CIPC: variants seen among roughly 807,000 people sequenced by gnomAD.
The protein encoded by CIPC is CLOCK-interacting pacemaker.
CIPC carries 12 observed loss-of-function variants against 26.7 expected under a neutral mutation model. That is an observed-to-expected ratio of 0.45 (90% CI 0.29 to 0.73). CIPC has a LOEUF of 0.73. Among genes scored for constraint, CIPC ranks in the 30% least tolerant of loss-of-function variants. The probability of loss-of-function intolerance (pLI) is 0.12; values close to 1 mark genes in which losing one functional copy is unlikely to be tolerated. For missense variants in CIPC, 417 were observed against 486.5 expected (o/e 0.86, Z 1.34); for synonymous variants, 170 against 189.8 (o/e 0.90, Z 0.86).
intron 2 of CIPC, among the ~76,000 whole-genome samples, chr14:77,107,358 TAATC>T (rs1886609615): frequency 1.3e-5 from 2 of 152,162 alleles, no homozygotes; most frequent in Admixed American, 6.5e-5. Context: ...GGTATTAAAA[TAATC>T]AAACTCATTA....
intron 2 of CIPC, among the ~76,000 whole-genome samples, chr14:77,108,300 T>G (rs137920904): frequency 6.6e-6 from 1 of 152,220 alleles, no homozygotes; most frequent in Non-Finnish European, 1.5e-5. Flanking sequence ...GGGATAATAC[T>G]TTATAATTGT....
At chr14:77,108,264 C>T (rs1566805031) in intron 2 of CIPC, among the ~76,000 whole-genome samples, 2 of 152,160 alleles carry the variant, frequency 1.3e-5, no homozygotes, top group Admixed American at 6.5e-5. Context: ...GTACCCTTTT[C>T]TCTTTGTAAT....
chr14:77,113,563 G>A lies in CIPC; in HGVS notation c.445G>A (p.Asp149Asn), dbSNP rs141053035. 22 of 1,614,198 alleles carry A rather than the reference G, an allele frequency of 1.4e-5. No homozygotes were observed. Among genetic ancestry groups the A allele is most frequent in the Admixed American group, 5.0e-5 (3 of 60,026 alleles). Residue 149 changes from aspartate to asparagine, a missense_variant, in exon 4 of 4, where the codon GAC becomes AAC. By Grantham distance (23) the Asp-to-Asn change is conservative. Coordinates refer to ENST00000361786, the MANE Select transcript of CIPC (RefSeq NM_033426.3). ...SPCHTGEKKS[D>N]SRNYLPILNS... is the part of the protein sequence containing the mutation. Reference sequence around the variant, plus strand: ...ATGTCACACTGGTGAGAAAAAGTCCGACTCCAGGAACTACTTGCCCATTCT... The same window carrying A: ...ATGTCACACTGGTGAGAAAAAGTCCAACTCCAGGAACTACTTGCCCATTCT...
In CIPC at chr14:77,109,977, A is replaced by C. The variant is rs151146858; in HGVS notation, c.302A>C (p.Lys101Thr). 2 of 1,614,130 alleles carry C rather than the reference A, an allele frequency of 1.2e-6. No individual in the cohort carries two copies. The change falls in exon 3 of 4, where the codon AAA becomes ACA. Residue 101 changes from lysine to threonine, a missense_variant. Physicochemically the swap from Lys to Thr is moderately conservative, Grantham distance 78 (BLOSUM62 -1). Coordinates refer to ENST00000361786, the MANE Select transcript of CIPC (RefSeq NM_033426.3). ...PMVVMKNVLV[K>T]QGSSSSQLQS... is the part of the protein sequence containing the mutation. ...GTCGTCATGAAGAATGTGCTTGTCA[A>C]ACAGGTGAGGAGGACTAATATCACC... is the stretch of plus-strand genomic sequence containing the variant.
chr14:77,115,044 A>G lies in CIPC; in HGVS notation c.*726A>G, dbSNP rs554133262. Reference sequence around the variant, plus strand: ...GTACATCTGGAATTGTAGTCGATGAATTGCTTTTTTGACTTAGAAGCTGAA... The same window carrying G: ...GTACATCTGGAATTGTAGTCGATGAGTTGCTTTTTTGACTTAGAAGCTGAA... On this transcript the variant is annotated 3_prime_UTR_variant, in exon 4 of 4. Transcript: ENST00000361786. The G allele has an allele frequency of 1.3e-5, 2 of 152,348 alleles. No homozygotes were observed. The highest frequency in any genetic ancestry group is 4.8e-5 in the African/African-American group (2 of 41,586). 9.4% of individuals were successfully genotyped at this position (152,348 alleles called of 1,614,324 possible). A position where few individuals can be genotyped will look rare whatever the true frequency, so the allele number is the denominator to read the frequency against.
At chr14:77,107,424 T>A (rs1886610776) in intron 2 of CIPC, among the ~76,000 whole-genome samples, 1 of 152,180 alleles carries the variant, frequency 6.6e-6, no homozygotes, top group Non-Finnish European at 1.5e-5. Context: ...CGAGCCACTC[T>A]TGGGCCAGGT....
Position 77,113,697 on chromosome 14 carries a change from T to C in CIPC, c.579T>C (p.Leu193=), listed in dbSNP as rs557878864. ...AGAAGAAAATCTGTACTGAGAGACT[T>C]GGGCCTAGCTTGTCTTCCAGTGAGC... ...GVQKKICTER[L]GPSLSSSEPT... is the part of the protein sequence containing the mutation. Residue 193 remains leucine (L), a synonymous_variant, in exon 4 of 4, where the codon CTT becomes CTC. Transcript: ENST00000361786. 1 of 1,612,782 alleles carries C rather than the reference T, an allele frequency of 6.2e-7. No individual in the cohort carries two copies. Among genetic ancestry groups the C allele is most frequent in the East Asian group, 2.2e-5 (1 of 44,872 alleles).
At chr14:77,107,626 TTACACAC>T (rs1886615583) in intron 2 of CIPC, among the ~76,000 whole-genome samples, 1 of 93,768 alleles carries the variant, frequency 1.1e-5, no homozygotes, top group African/African-American at 3.8e-5. Flanking sequence ...CTCGCTCTCT[TTACACAC>T]ACACACACAC....
At chr14:77,102,612 A>G (rs899127582) in intron 1 of CIPC, among the ~76,000 whole-genome samples, 1 of 152,254 alleles carries the variant, frequency 6.6e-6, no homozygotes, top group Non-Finnish European at 1.5e-5. Flanking sequence ...CAAGGATTGT[A>G]GAAGACTAAA....
In CIPC at chr14:77,115,151, A is replaced by T. The variant is rs558282993; in HGVS notation, c.*833A>T. The T allele has an allele frequency of 6.6e-6, 1 of 152,094 alleles. No individual in the cohort carries two copies. Among genetic ancestry groups the T allele is most frequent in the African/African-American group, 2.4e-5 (1 of 41,478 alleles). 9.4% of individuals were successfully genotyped at this position (152,094 alleles called of 1,614,324 possible). A position where few individuals can be genotyped will look rare whatever the true frequency, so the allele number is the denominator to read the frequency against. On this transcript the variant is annotated 3_prime_UTR_variant, in exon 4 of 4. Coordinates refer to ENST00000361786, the MANE Select transcript of CIPC (RefSeq NM_033426.3). Reference sequence around the variant, plus strand: ...TAGGCTTTTTTTCTCTCTTCTTTTGAAACAGTGTAACCTGTTTTATGTCTA... The same window carrying T: ...TAGGCTTTTTTTCTCTCTTCTTTTGTAACAGTGTAACCTGTTTTATGTCTA...
chr14:77,113,300 G>A (rs1428539003), intron 3 of CIPC, 125 bp from the exon 4 acceptor site: 2 of 1,001,164 alleles, frequency 2.0e-6, no homozygotes, highest in African/African-American at 1.6e-5. Context: ...CACTATGTGA[G>A]AGAAGCACTG....
At position 77,113,818 on chromosome 14, in the gene CIPC, C is replaced by G; in HGVS notation, c.700C>G (p.Leu234Val). 1.2e-6 allele frequency: 2 copies of G among 1,614,176 alleles called. No individual in the cohort carries two copies. The highest frequency in any genetic ancestry group is 4.5e-5 in the East Asian group (2 of 44,878). The change falls in exon 4 of 4, where the codon CTG becomes GTG. Residue 234 changes from leucine to valine, a missense_variant. By Grantham distance (32) the Leu-to-Val change is conservative (BLOSUM62 1). Transcript: ENST00000361786. ...EDSALQGVPSLVAGGSPQTLQ... is the reference protein window; with the variant it reads ...EDSALQGVPSVVAGGSPQTLQ... ...CTCAGCTCTGCAGGGTGTGCCCTCT[C>G]TGGTGGCAGGTGGAAGTCCACAGAC... is the stretch of plus-strand genomic sequence containing the variant.
In CIPC at chr14:77,114,271, A is replaced by G. The variant is rs781513031; in HGVS notation, c.1153A>G (p.Asn385Asp). The G allele has an allele frequency of 6.2e-7, 1 of 1,613,842 alleles. No individual in the cohort carries two copies. Among genetic ancestry groups the G allele is most frequent in the Non-Finnish European group, 8.5e-7 (1 of 1,179,958 alleles). Residue 385 changes from asparagine to aspartate, a missense_variant, in exon 4 of 4, where the codon AAT (asparagine) becomes GAT (aspartate). Asn to Asp is a conservative substitution (Grantham distance 23, BLOSUM62 1). Transcript: ENST00000361786. The part of the protein sequence containing the change: ...LQASLTPGSS[N>D]TGSDLEAFSD... ...GGCATCTTTAACACCTGGGTCCAGT[A>G]ATACAGGCAGTGACCTAGAAGCATT...
chr14:77,105,930 G>A, intron 2 of CIPC, 86 bp downstream of exon 2: 1 of 1,489,092 alleles, frequency 6.7e-7, no homozygotes, highest in Non-Finnish European at 9.2e-7. Context: ...TATGTGATAA[G>A]GATGGGATGC....
rs1161582611 is a variant in CIPC at position 77,115,593 on chromosome 14, T to G, written c.*1275T>G. 6.6e-6 allele frequency: 1 copy of G among 152,200 alleles called. No homozygotes were observed. Among genetic ancestry groups the G allele is most frequent in the Non-Finnish European group, 1.5e-5 (1 of 68,028 alleles). The allele number at this position is 152,200 out of a possible 1,614,324, so 9.4% of individuals were successfully genotyped here. On this transcript the variant is annotated 3_prime_UTR_variant, in exon 4 of 4. Transcript: ENST00000361786. ...AACTATGTTTCTAAATAGTAAAGTTTCAAAATATTCTCTCAATTTAAAATT... is the reference window on the plus strand; with the variant it reads ...AACTATGTTTCTAAATAGTAAAGTTGCAAAATATTCTCTCAATTTAAAATT...
chr14:77,105,773 C>T lies in CIPC; in HGVS notation c.65C>T (p.Thr22Ile). Reference sequence around the variant, plus strand: ...CTCTCTGCCAAAGTAGGCAAAGGCACAGAGATGAAGAAAGTGGCTCGTCAG... The same window carrying T: ...CTCTCTGCCAAAGTAGGCAAAGGCATAGAGATGAAGAAAGTGGCTCGTCAG... ...RRLSAKVGKG[T>I]EMKKVARQLG... Residue 22 changes from threonine (T) to isoleucine (I), a missense_variant, in exon 2 of 4, where the codon ACA becomes ATA. Coordinates refer to ENST00000361786, the MANE Select transcript of CIPC (RefSeq NM_033426.3). 2 of 1,614,128 alleles carry T rather than the reference C, an allele frequency of 1.2e-6. No homozygotes were observed. The highest frequency in any genetic ancestry group is 1.7e-6 in the Non-Finnish European group (2 of 1,180,000).
chr14:77,102,084 A>G (rs1886499210), intron 1 of CIPC, among the ~76,000 whole-genome samples: 1 of 126,682 alleles, frequency 7.9e-6, no homozygotes, highest in African/African-American at 2.6e-5. Flanking sequence ...TGATCCATCT[A>G]TAAATAAAAA....
Position 77,114,398 on chromosome 14 carries a change from T to C in CIPC, c.*80T>C, listed in dbSNP as rs1260684844. Reference sequence around the variant, plus strand: ...ACCTACTCCTGTTTCCCAAAGCTTATGTAAGAGCTTTTCCTTCTAAACTTA... The same window carrying C: ...ACCTACTCCTGTTTCCCAAAGCTTACGTAAGAGCTTTTCCTTCTAAACTTA... On this transcript the variant is annotated 3_prime_UTR_variant, in exon 4 of 4. Transcript: ENST00000361786. 1.4e-6 allele frequency: 2 copies of C among 1,407,158 alleles called. No individual in the cohort carries two copies. Among genetic ancestry groups the C allele is most frequent in the Non-Finnish European group, 9.7e-7 (1 of 1,036,260 alleles). The allele number at this position is 1,407,158 out of a possible 1,614,324, so 87.2% of individuals were successfully genotyped here.
At chr14:77,104,767 G>A (rs1055060027) in intron 1 of CIPC, among the ~76,000 whole-genome samples, 9 of 152,196 alleles carry the variant, frequency 5.9e-5, no homozygotes, top group Non-Finnish European at 8.8e-5. Context: ...CAAAATGGTC[G>A]CTAGTTGAGT....
Sources: allele counts gnomAD v4.1 joint callset (sites outside exome capture counted in the v4.1 genomes callset), GRCh38; gene constraint gnomAD v4.1.1; transcripts MANE v1.5; gene names NCBI Gene and HGNC (gene_info 2026-07-23, HGNC 2026-07-21).